ARHGAP24: variants seen among roughly 807,000 people sequenced by gnomAD.
ARHGAP24 encodes rho GTPase-activating protein 24.
In ARHGAP24, 50 loss-of-function variants were observed where a neutral mutation model predicts 76.4. That is an observed-to-expected ratio of 0.65 (90% CI 0.52 to 0.83). The LOEUF is 0.83. Ranked by LOEUF, ARHGAP24 falls within the 40% of genes least tolerant of loss-of-function variation. ARHGAP24 has a pLI of 0.00. For missense variants in ARHGAP24, 930 were observed against 914.2 expected (o/e 1.02, Z -0.22); for synonymous variants, 345 against 323.3 (o/e 1.07, Z -0.72).
chr4:85,797,245 T>G lies in ARHGAP24; in HGVS notation c.268+75273T>G, dbSNP rs190337885. 4.4e-3 allele frequency among the ~76,000 whole-genome samples: 674 copies of G among 152,226 alleles called. 4 individuals carry two copies. The highest frequency in any genetic ancestry group is 7.1e-3 in the Non-Finnish European group (482 of 68,010). On this transcript the variant is annotated intron_variant, in intron 3 of 9. Transcript: ENST00000395184. Reference sequence around the variant, plus strand: ...TGGAGTGCAGTGGCGCAATCTCGGCTCACTGCAAGCTCCGCCTCCCGGGTT... The same window carrying G: ...TGGAGTGCAGTGGCGCAATCTCGGCGCACTGCAAGCTCCGCCTCCCGGGTT...
At chr4:85,747,635 G>T (rs576943798) in intron 3 of ARHGAP24, among the ~76,000 whole-genome samples, 4 of 152,108 alleles carry the variant, frequency 2.6e-5, no homozygotes, top group African/African-American at 7.2e-5. Flanking sequence ...CCCGGGAAGC[G>T]GAGCTTGCAG....
At chr4:85,935,442 C>G (rs568385777) in intron 4 of ARHGAP24, among the ~76,000 whole-genome samples, 1 of 152,322 alleles carries the variant, frequency 6.6e-6, no homozygotes, top group Non-Finnish European at 1.5e-5. Flanking sequence ...TTCACATAAA[C>G]TAAAGGAAAT....
At position 85,552,601 on chromosome 4, in the gene ARHGAP24, A is replaced by G. The variant is rs534170294; in HGVS notation, c.-20-17921A>G. ...AACTTTGTGCCTCTATGATCTGTCT[A>G]ATACCATCAGTGGGGTATTGACATC... On this transcript the variant is annotated intron_variant, in intron 1 of 9. Coordinates refer to ENST00000395184, the MANE Select transcript of ARHGAP24 (RefSeq NM_001025616.3). Among the ~76,000 whole-genome samples the G allele has an allele frequency of 2.6e-5, 4 of 152,230 alleles. No homozygotes were observed. In the East Asian group the frequency reaches 7.8e-4, roughly 30 times the overall value.
chr4:85,561,071 T>C (rs1399275756), intron 1 of ARHGAP24, among the ~76,000 whole-genome samples: 1 of 152,196 alleles, frequency 6.6e-6, no homozygotes, highest in East Asian at 1.9e-4. Context: ...GTTCATCTGA[T>C]GGGTTCCAGG....
At chr4:85,742,130 C>A (rs1238161139) in intron 3 of ARHGAP24, among the ~76,000 whole-genome samples, 3 of 152,174 alleles carry the variant, frequency 2.0e-5, no homozygotes, top group Non-Finnish European at 4.4e-5. Context: ...GTGGGGAAGA[C>A]ACCATCTGCC....
At chr4:85,888,291 T>C (rs1412769945) in intron 3 of ARHGAP24, among the ~76,000 whole-genome samples, 1 of 151,452 alleles carries the variant, frequency 6.6e-6, no homozygotes, top group East Asian at 1.9e-4. Context: ...ATCCGGCTAC[T>C]TGGGAGGCTG....
intron 3 of ARHGAP24, among the ~76,000 whole-genome samples, chr4:85,740,188 C>T (rs1283366282): frequency 2.0e-5 from 3 of 150,940 alleles, no homozygotes; most frequent in Admixed American, 6.6e-5. Flanking sequence ...GTACCTACCT[C>T]CGATCTGGGA....
chr4:85,758,348 A>G (rs1308635556), intron 3 of ARHGAP24, among the ~76,000 whole-genome samples: 1 of 152,152 alleles, frequency 6.6e-6, no homozygotes, highest in African/African-American at 2.4e-5. Flanking sequence ...GTTAGGAGAG[A>G]AGGCCTAAAG....
At chr4:85,607,526 AATATCATTAATAC>A (rs1720238624) in intron 2 of ARHGAP24, among the ~76,000 whole-genome samples, 1 of 151,934 alleles carries the variant, frequency 6.6e-6, no homozygotes, top group South Asian at 2.1e-4. Flanking sequence ...CCCCTTCCCT[AATATCATTAATAC>A]ATTTCATTCA....
intron 2 of ARHGAP24, among the ~76,000 whole-genome samples, chr4:85,637,342 C>T (rs1198327289): frequency 6.6e-6 from 1 of 151,866 alleles, no homozygotes; most frequent in Non-Finnish European, 1.5e-5. Flanking sequence ...CTCTATAATC[C>T]CAAATTTTGA....
rs1729348795 is a variant in ARHGAP24 at position 85,818,739 on chromosome 4, AG to A, written c.268+96770del. ...ATATATATTTTCATTGGAGAGAAAT[AG>A]GGCTCCAATTTCAAATTTCTTCTCT... On this transcript the variant is annotated intron_variant, in intron 3 of 9. Transcript: ENST00000395184. Among the ~76,000 whole-genome samples, 5 of 152,280 alleles carry A rather than the reference AG, an allele frequency of 3.3e-5. No homozygotes were observed. In the South Asian group the frequency reaches 1.0e-3, roughly 32 times the overall value.
intron 1 of ARHGAP24, among the ~76,000 whole-genome samples, chr4:85,553,556 G>T (rs1905034): frequency 5.6e-4 from 85 of 151,852 alleles, no homozygotes; most frequent in African/African-American, 1.6e-3. Context: ...GTCCCCTACC[G>T]GATTAGCTAG....
intron 3 of ARHGAP24, among the ~76,000 whole-genome samples, chr4:85,860,078 G>C (rs991997783): frequency 6.6e-6 from 1 of 152,058 alleles, no homozygotes; most frequent in Non-Finnish European, 1.5e-5. Context: ...AGATGCTCAC[G>C]TCCAGTGAAT....
At chr4:85,670,007 G>A (rs769954224) in intron 2 of ARHGAP24, among the ~76,000 whole-genome samples, 5 of 152,008 alleles carry the variant, frequency 3.3e-5, no homozygotes, top group African/African-American at 7.3e-5. Flanking sequence ...GGGAGGAGGA[G>A]AGAGGGGTGT....
chr4:85,659,472 A>T (rs1722300352), intron 2 of ARHGAP24, among the ~76,000 whole-genome samples: 1 of 152,204 alleles, frequency 6.6e-6, no homozygotes, highest in Non-Finnish European at 1.5e-5. Flanking sequence ...TTGTGTCTCA[A>T]AATATTCCTG....
intron 1 of ARHGAP24, among the ~76,000 whole-genome samples, chr4:85,545,946 T>C (rs1725905884): frequency 6.6e-6 from 1 of 152,174 alleles, no homozygotes; most frequent in African/African-American, 2.4e-5. Flanking sequence ...TGAGAGGCAA[T>C]ATAAAGTAGT....
At chr4:85,479,846 T>C (rs1722741545) in intron 1 of ARHGAP24, among the ~76,000 whole-genome samples, 1 of 152,208 alleles carries the variant, frequency 6.6e-6, no homozygotes. Flanking sequence ...GTCATGTGCA[T>C]ACTGCCAGTT....
chr4:85,633,247 G>A (rs908708854), intron 2 of ARHGAP24, among the ~76,000 whole-genome samples: 1 of 151,752 alleles, frequency 6.6e-6, no homozygotes, highest in South Asian at 2.1e-4. Context: ...TATCTTATGG[G>A]TTATCTGTCA....
At chr4:85,702,550 GTAT>G (rs1724135744) in intron 2 of ARHGAP24, among the ~76,000 whole-genome samples, 1 of 151,924 alleles carries the variant, frequency 6.6e-6, no homozygotes, top group African/African-American at 2.4e-5. Flanking sequence ...AGGCTCTAAA[GTAT>G]TATAAGATAC....
Sources: allele counts gnomAD v4.1 joint callset (sites outside exome capture counted in the v4.1 genomes callset), GRCh38; gene constraint gnomAD v4.1.1; transcripts MANE v1.5; gene names NCBI Gene and HGNC (gene_info 2026-07-23, HGNC 2026-07-21).